The following IGHMBP2 variants were observed in gnomAD, a reference collection of about 807,000 sequenced individuals.
IGHMBP2 encodes the protein immunoglobulin mu DNA binding protein 2.
In IGHMBP2, 81 loss-of-function variants were observed where a neutral mutation model predicts 96.0. The observed-to-expected ratio is 0.84, with a 90% CI of 0.71 to 1.01. The LOEUF is 1.01. Ranked by LOEUF, IGHMBP2 falls within the 50% of genes least tolerant of loss-of-function variation. IGHMBP2 has a pLI of 0.00. For missense variants in IGHMBP2, 1,227 were observed against 1,306.3 expected (o/e 0.94, Z 0.94); for synonymous variants, 557 against 548.9 (o/e 1.01, Z -0.21).
intron 14 of IGHMBP2, 143 bp downstream of exon 14, chr11:68,938,497 G>A (rs1018342322): frequency 2.8e-6 from 2 of 721,736 alleles, no homozygotes; most frequent in South Asian, 1.9e-5. Flanking sequence ...ACAGAAATCA[G>A]ACACTGACTC....
chr11:68,933,524 G>A lies in IGHMBP2; in HGVS notation c.1418+43G>A, dbSNP rs115614812. 339 of 1,585,512 alleles carry A rather than the reference G, an allele frequency of 2.1e-4. 2 individuals are homozygous for A. In the African/African-American group the frequency reaches 4.1e-3, roughly 19 times the overall value. On this transcript the variant is annotated intron_variant, in intron 9 of 14. Coordinates refer to ENST00000255078, the MANE Select transcript of IGHMBP2 (RefSeq NM_002180.3). ...ACCCGCCGCCCCATCCTTCTGCCCT[G>A]GCTAATCCTCTGCGTCACCTGTTTC...
In IGHMBP2 at chr11:68,934,496, G is replaced by T; in HGVS notation, c.1570G>T (p.Ala524Ser). The T allele has an allele frequency of 6.2e-7, 1 of 1,612,676 alleles. No individual in the cohort carries two copies. The highest frequency in any genetic ancestry group is 8.5e-7 in the Non-Finnish European group (1 of 1,179,338). ...EVRLVSLHIQALVDAGVPARD... is the reference protein window; with the variant it reads ...EVRLVSLHIQSLVDAGVPARD... ...CCGCCTCGTCAGTTTGCACATCCAG[G>T]CTCTGGTGGACGCTGGTGTTCCAGC... The change falls in exon 11 of 15, where the codon GCT becomes TCT. Residue 524 changes from alanine to serine, a missense_variant. Around this residue, in one of 3 missense-constraint regions of IGHMBP2, gnomAD observed 703 missense variants for 770.3 expected, o/e 0.91. Coordinates refer to ENST00000255078, the MANE Select transcript of IGHMBP2 (RefSeq NM_002180.3).
chr11:68,933,808 G>A lies in IGHMBP2; in HGVS notation c.1432G>A (p.Val478Met), dbSNP rs2154008642. 1 of 1,612,450 alleles carries A rather than the reference G, an allele frequency of 6.2e-7. No individual in the cohort carries two copies. The highest frequency in any genetic ancestry group is 8.5e-7 in the Non-Finnish European group (1 of 1,179,490). Residue 478 changes from valine to methionine, a missense_variant, in exon 10 of 15, where the codon GTG (valine) becomes ATG (methionine). By Grantham distance (21) the Val-to-Met change is conservative. Transcript: ENST00000255078. ...CCTGTGTGCCAGGGACCTCCCAGGT[G>A]TGGCTGCCACAGAAGAGACGGGTGT... is the stretch of plus-strand genomic sequence containing the variant. ...ARHLLRDLPG[V>M]AATEETGVPL... is the part of the protein sequence containing the mutation.
intron 4 of IGHMBP2, 21 bp downstream of exon 4, chr11:68,908,652 T>C (rs370119106): frequency 7.1e-6 from 11 of 1,551,894 alleles, no homozygotes; most frequent in African/African-American, 1.4e-5. Flanking sequence ...CTGAGTTTTC[T>C]TTTTTGGTTG....
At position 68,906,205 on chromosome 11, in the gene IGHMBP2, G is replaced by T; in HGVS notation, c.223G>T (p.Ala75Ser). ...CTTTGAGCCCAGGCGATACGGGTCCGCGGCAGCTCTTCCCAGTAACAGCTT... is the reference window on the plus strand; with the variant it reads ...CTTTGAGCCCAGGCGATACGGGTCCTCGGCAGCTCTTCCCAGTAACAGCTT... Reference protein sequence around the residue: ...VTFEPRRYGSAAALPSNSFTS... With the variant: ...VTFEPRRYGSSAALPSNSFTS... Residue 75 changes from alanine to serine, a missense_variant, in exon 2 of 15, where the codon GCG becomes TCG. Transcript: ENST00000255078. The T allele has an allele frequency of 6.2e-7, 1 of 1,614,020 alleles. No individual in the cohort carries two copies. Among genetic ancestry groups the T allele is most frequent in the Non-Finnish European group, 8.5e-7 (1 of 1,179,970 alleles).
Position 68,903,986 on chromosome 11 carries a change from A to G in IGHMBP2, c.34A>G (p.Lys12Glu). 6.4e-7 allele frequency: 1 copy of G among 1,553,406 alleles called. No individual in the cohort carries two copies. Among genetic ancestry groups the G allele is most frequent in the Non-Finnish European group, 8.7e-7 (1 of 1,148,468 alleles). Residue 12 changes from lysine to glutamate, a missense_variant, in exon 1 of 15, where the codon AAG (lysine) becomes GAG (glutamate). Coordinates refer to ENST00000255078, the MANE Select transcript of IGHMBP2 (RefSeq NM_002180.3). ...ASAAVESFVT[K>E]QLDLLELERD... Reference sequence around the variant, plus strand: ...GGCAGCTGTGGAGAGCTTCGTGACCAAGCAACTGGACCTGCTGGAGCTTGA... The same window carrying G: ...GGCAGCTGTGGAGAGCTTCGTGACCGAGCAACTGGACCTGCTGGAGCTTGA...
chr11:68,936,254 G>C lies in IGHMBP2; in HGVS notation c.1774G>C (p.Ala592Pro). ...TTTTGTAGGTGAAGTTGGTTTTCTT[G>C]CTGAGGACCGGAGGATCAACGTGGC... ...SNRKGEVGFLAEDRRINVAVT... is the reference protein window; with the variant it reads ...SNRKGEVGFLPEDRRINVAVT... The change falls in exon 13 of 15, where the codon GCT (alanine) becomes CCT (proline). Residue 592 changes from alanine to proline, a missense_variant. This residue lies in a region of IGHMBP2 where 703 missense variants were observed against 770.3 expected (regional missense o/e 0.91). Transcript: ENST00000255078. The C allele has an allele frequency of 6.2e-7, 1 of 1,614,206 alleles. No homozygotes were observed. Among genetic ancestry groups the C allele is most frequent in the Non-Finnish European group, 8.5e-7 (1 of 1,180,040 alleles).
At chr11:68,905,235 A>G (rs1428211167) in intron 1 of IGHMBP2, among the ~76,000 whole-genome samples, 1 of 152,214 alleles carries the variant, frequency 6.6e-6, no homozygotes, top group Non-Finnish European at 1.5e-5. Flanking sequence ...AGTCAGCCAT[A>G]TGTGGGTAGG....
chr11:68,936,438 A>T lies in IGHMBP2; in HGVS notation c.1958A>T (p.His653Leu). ...LDDIVPENYS[H>L]ENSQGSSHAA... ...GATATTGTCCCAGAAAACTATTCCCATGAGAACTCCCAGGGTTCCAGCCAC... is the reference window on the plus strand; with the variant it reads ...GATATTGTCCCAGAAAACTATTCCCTTGAGAACTCCCAGGGTTCCAGCCAC... The change falls in exon 13 of 15, where the codon CAT (histidine) becomes CTT (leucine). Residue 653 changes from histidine to leucine, a missense_variant. Physicochemically the swap from His to Leu is moderately conservative, Grantham distance 99. Transcript: ENST00000255078. 6.2e-7 allele frequency: 1 copy of T among 1,614,064 alleles called. No individual in the cohort carries two copies. The highest frequency in any genetic ancestry group is 8.5e-7 in the Non-Finnish European group (1 of 1,180,012).
intron 7 of IGHMBP2, among the ~76,000 whole-genome samples, chr11:68,927,290 C>A (rs555154559): frequency 6.6e-6 from 1 of 152,162 alleles, no homozygotes; most frequent in African/African-American, 2.4e-5. Context: ...TTTTGTCTTG[C>A]GTGGCCACTA....
At chr11:68,922,701 T>C (rs1858924640) in intron 7 of IGHMBP2, among the ~76,000 whole-genome samples, 1 of 152,224 alleles carries the variant, frequency 6.6e-6, no homozygotes, top group Non-Finnish European at 1.5e-5. Context: ...GCCTCATGTT[T>C]TTTAACATTG....
At chr11:68,906,288 C>A (rs777016529) in intron 2 of IGHMBP2, 50 bp downstream of exon 2, 1 of 1,579,164 alleles carries the variant, frequency 6.3e-7, no homozygotes, top group African/African-American at 1.3e-5. Flanking sequence ...GGCATTCAGA[C>A]CGTGACTTGT....
intron 14 of IGHMBP2, 109 bp downstream of exon 14, chr11:68,938,463 T>G: frequency 1.0e-6 from 1 of 969,568 alleles, no homozygotes; most frequent in Non-Finnish European, 1.5e-6. Context: ...GTTAGCTCCT[T>G]ACAATCTCCA....
rs774335263 is a variant in IGHMBP2 at position 68,938,367 on chromosome 11, C to T, written c.2784+13C>T. On this transcript the variant is annotated intron_variant, in intron 14 of 14. Transcript: ENST00000255078. ...CCACCTGCCCGAGGTATGTCGGCCT[C>T]CCCTCCTGCGATCAAACAGTGGGGA... 6.3e-7 allele frequency: 1 copy of T among 1,599,620 alleles called. No homozygotes were observed. Among genetic ancestry groups the T allele is most frequent in the Non-Finnish European group, 8.5e-7 (1 of 1,174,416 alleles).
intron 14 of IGHMBP2, 148 bp from the exon 15 acceptor site, chr11:68,939,386 C>T (rs114056142): frequency 0.032 from 26,232 of 817,136 alleles, 611 homozygotes; most frequent in Non-Finnish European, 0.039. Context: ...TCCCGCCAGG[C>T]AGCCTGCAGG....
intron 14 of IGHMBP2, among the ~76,000 whole-genome samples, chr11:68,938,695 G>T (rs926321134): frequency 3.9e-5 from 6 of 152,176 alleles, no homozygotes; most frequent in African/African-American, 1.4e-4. Flanking sequence ...CGTCATCTGA[G>T]CTGGCCATGG....
At chr11:68,913,950 A>T (rs1398991523) in intron 5 of IGHMBP2, among the ~76,000 whole-genome samples, 1 of 152,150 alleles carries the variant, frequency 6.6e-6, no homozygotes, top group African/African-American at 2.4e-5. Context: ...TTATAATCAG[A>T]TGGTGCAGCC....
intron 8 of IGHMBP2, chr11:68,932,789 A>G (rs117499255): frequency 0.02 from 3,303 of 168,382 alleles, 55 homozygotes; most frequent in Non-Finnish European, 0.029. Flanking sequence ...GATGTCCAAA[A>G]TCAGACTCAC....
Position 68,936,480 on chromosome 11 carries a change from A to G in IGHMBP2, c.2000A>G (p.Gln667Arg), listed in dbSNP as rs1278723229. The change falls in exon 13 of 15, where the codon CAG becomes CGG. Residue 667 changes from glutamine to arginine, a missense_variant. Gln to Arg is a conservative substitution (Grantham distance 43, BLOSUM62 1). This residue lies in a region of IGHMBP2 where 703 missense variants were observed against 770.3 expected (regional missense o/e 0.91). Transcript: ENST00000255078. Reference sequence around the variant, plus strand: ...TCCAGCCACGCTGCCACCAAGCCCCAGGGACCTGCTACGTCCACCAGGACC... The same window carrying G: ...TCCAGCCACGCTGCCACCAAGCCCCGGGGACCTGCTACGTCCACCAGGACC... ...QGSSHAATKP[Q>R]GPATSTRTGS... 5 of 1,613,732 alleles carry G rather than the reference A, an allele frequency of 3.1e-6. No individual in the cohort carries two copies. Among genetic ancestry groups the G allele is most frequent in the Non-Finnish European group, 4.2e-6 (5 of 1,179,998 alleles).
Sources: allele counts gnomAD v4.1 joint callset (sites outside exome capture counted in the v4.1 genomes callset), GRCh38; gene constraint gnomAD v4.1.1; regional missense constraint gnomAD v4.1.1; transcripts MANE v1.5; gene names NCBI Gene and HGNC (gene_info 2026-07-23, HGNC 2026-07-21).